The following MGA variants were observed in gnomAD, a reference collection of about 807,000 sequenced individuals.
MGA encodes MAX gene-associated protein.
A neutral mutation model predicts 261.1 loss-of-function variants in MGA; 40 were observed. The observed-to-expected ratio is 0.15, with a 90% CI of 0.12 to 0.20. The LOEUF is 0.20. MGA is among the 10% of genes least tolerant of loss of function. The pLI, the probability that MGA is intolerant of heterozygous loss-of-function variation, is 1.00. For synonymous variants in MGA, 1,302 were observed against 1,290.6 expected (o/e 1.01, Z -0.19); for missense variants, 3,397 against 3,630.5 (o/e 0.94, Z 1.65).
intron 1 of MGA, among the ~76,000 whole-genome samples, chr15:41,634,432 G>T (rs1303861413): frequency 6.6e-6 from 1 of 152,116 alleles, no homozygotes; most frequent in Non-Finnish European, 1.5e-5. Flanking sequence ...CTGCTGAATG[G>T]CTTTATCTCC....
At chr15:41,635,197 G>A (rs140674476) in intron 1 of MGA, among the ~76,000 whole-genome samples, 4,977 of 152,144 alleles carry the variant, frequency 0.033, 138 homozygotes, top group South Asian at 0.069. Context: ...GGCCGGGTGT[G>A]GTGGCGTGCA....
intron 5 of MGA, among the ~76,000 whole-genome samples, chr15:41,703,951 G>A (rs1183050725): frequency 6.6e-6 from 1 of 152,072 alleles, no homozygotes; most frequent in Admixed American, 6.6e-5. Context: ...GGGACTACAA[G>A]CACATGCCAC....
chr15:41,755,665 A>G (rs1336056602), intron 18 of MGA, among the ~76,000 whole-genome samples: 7 of 152,236 alleles, frequency 4.6e-5, no homozygotes, highest in Non-Finnish European at 8.8e-5. Context: ...GCAATAGTAA[A>G]GGGCCAAGAA....
chr15:41,622,865 C>T (rs2140893922), intron 1 of MGA, among the ~76,000 whole-genome samples: 1 of 152,320 alleles, frequency 6.6e-6, no homozygotes, highest in Non-Finnish European at 1.5e-5. Flanking sequence ...TTCCATACCA[C>T]TGCTTATGTT....
intron 2 of MGA, chr15:41,684,290 G>T: frequency 2.6e-6 from 1 of 379,364 alleles, no homozygotes; most frequent in South Asian, 2.0e-5. Flanking sequence ...GCTGGTGTTC[G>T]TCACACATTA....
At chr15:41,636,618 T>G (rs980568953) in intron 1 of MGA, among the ~76,000 whole-genome samples, 1 of 152,124 alleles carries the variant, frequency 6.6e-6, no homozygotes, top group Non-Finnish European at 1.5e-5. Flanking sequence ...TTTCACCGTG[T>G]TAGCCACAGT....
At chr15:41,715,131 TTCTG>T (rs963704358) in intron 9 of MGA, among the ~76,000 whole-genome samples, 3 of 146,436 alleles carry the variant, frequency 2.0e-5, no homozygotes, top group East Asian at 3.9e-4. Context: ...TTTTTATGGT[TTCTG>T]TCTTTTTTTT....
At chr15:41,727,059 A>C (rs1247873706) in intron 9 of MGA, 121 bp from the exon 10 acceptor site, 1 of 679,128 alleles carries the variant, frequency 1.5e-6, no homozygotes, top group Non-Finnish European at 2.4e-6. Flanking sequence ...GGGGTCGTCT[A>C]TTTGATTATT....
intron 1 of MGA, among the ~76,000 whole-genome samples, chr15:41,632,974 C>T (rs1472151473): frequency 6.7e-6 from 1 of 148,558 alleles, no homozygotes; most frequent in African/African-American, 2.5e-5. Context: ...TTTTTTGAGA[C>T]GGAGTCTCGC....
At chr15:41,643,828 A>G (rs949452103) in intron 1 of MGA, among the ~76,000 whole-genome samples, 24 of 150,828 alleles carry the variant, frequency 1.6e-4, no homozygotes, top group Admixed American at 7.3e-4. Flanking sequence ...TCAGCCTCCC[A>G]AAGTGTTGGG....
intron 2 of MGA, among the ~76,000 whole-genome samples, chr15:41,695,015 G>C (rs925309567): frequency 9.2e-5 from 14 of 152,198 alleles, no homozygotes; most frequent in African/African-American, 3.4e-4. Context: ...TTATTTGTTA[G>C]TGAATATATA....
intron 1 of MGA, among the ~76,000 whole-genome samples, chr15:41,667,499 G>A (rs865967881): frequency 2.0e-5 from 3 of 151,956 alleles, no homozygotes; most frequent in African/African-American, 4.8e-5. Context: ...GACCTCCTTG[G>A]CCTCCCAGAG....
At position 41,748,561 on chromosome 15, in the gene MGA, A is replaced by G; in HGVS notation, c.5213-76A>G. ...ACAAAGCAAGACTGTGTCTTAAAAAATATTATGAATACTTTTTTTTCCTAC... is the reference window on the plus strand; with the variant it reads ...ACAAAGCAAGACTGTGTCTTAAAAAGTATTATGAATACTTTTTTTTCCTAC... On this transcript the variant is annotated intron_variant, in intron 15 of 23. Transcript: ENST00000219905. 4 of 1,466,830 alleles carry G rather than the reference A, an allele frequency of 2.7e-6. 1 individual carries two copies. The highest frequency in any genetic ancestry group is 2.7e-5 in the South Asian group (2 of 74,078). The allele number at this position is 1,466,830 out of a possible 1,614,324, so 90.9% of individuals were successfully genotyped here.
At chr15:41,762,064 G>T in intron 21 of MGA, 65 bp from the exon 22 acceptor site, 1 of 1,328,228 alleles carries the variant, frequency 7.5e-7, no homozygotes, top group East Asian at 2.4e-5. Context: ...CTAGATTTCT[G>T]TTGACTCTGT....
intron 1 of MGA, among the ~76,000 whole-genome samples, chr15:41,633,147 C>T (rs1191809655): frequency 6.6e-6 from 1 of 151,846 alleles, no homozygotes; most frequent in Non-Finnish European, 1.5e-5. Flanking sequence ...GACGGGGTTT[C>T]ACTGCGTTAG....
rs570201036 is a variant in MGA, at chr15:41,691,845, A to G, written c.1065-4230A>G. On this transcript the variant is annotated intron_variant, in intron 2 of 23. Coordinates refer to ENST00000219905, the MANE Select transcript of MGA (RefSeq NM_001164273.2). ...TGTTTTTCCCTCTGCTGCTTTCAGTATTTTTCTCTTCATCTTTCATTTTCA... is the reference window on the plus strand; with the variant it reads ...TGTTTTTCCCTCTGCTGCTTTCAGTGTTTTTCTCTTCATCTTTCATTTTCA... Among the ~76,000 whole-genome samples, 68 of 147,716 alleles carry G rather than the reference A, an allele frequency of 4.6e-4. No homozygotes were observed. In the South Asian group the frequency reaches 0.011, roughly 24 times the overall value.
chr15:41,646,274 TTTTA>T (rs1353079380), intron 1 of MGA, among the ~76,000 whole-genome samples: 1 of 152,116 alleles, frequency 6.6e-6, no homozygotes, highest in Non-Finnish European at 1.5e-5. Context: ...CATTTGTAGT[TTTTA>T]TTTTTGTGAA....
At chr15:41,634,877 C>T (rs1456557586) in intron 1 of MGA, among the ~76,000 whole-genome samples, 4 of 152,012 alleles carry the variant, frequency 2.6e-5, no homozygotes, top group African/African-American at 9.7e-5. Context: ...TTATCTTGTC[C>T]CTTGAAGGTT....
chr15:41,674,819 A>G (rs1297790368), intron 2 of MGA, among the ~76,000 whole-genome samples: 2 of 152,204 alleles, frequency 1.3e-5, no homozygotes, highest in Non-Finnish European at 2.9e-5. Context: ...CGCCCGGCCA[A>G]TAGTGAATAT....
Sources: allele counts gnomAD v4.1 joint callset (sites outside exome capture counted in the v4.1 genomes callset), GRCh38; gene constraint gnomAD v4.1.1; transcripts MANE v1.5; gene names NCBI Gene and HGNC (gene_info 2026-07-23, HGNC 2026-07-21).